MAP2: variants seen among roughly 807,000 people sequenced by gnomAD.
MAP2 encodes the protein microtubule-associated protein 2.
Under a neutral mutation model 137.6 loss-of-function variants are expected in MAP2, and 14 were observed. The ratio of observed to expected loss-of-function variants is 0.10; its 90% CI spans 0.07 to 0.16. MAP2 has a LOEUF of 0.16. Among genes scored for constraint, MAP2 ranks in the 10% least tolerant of loss-of-function variants. MAP2 has a pLI of 1.00. For synonymous variants in MAP2, 786 were observed against 782.3 expected (o/e 1.00, Z -0.08); for missense variants, 2,088 against 2,191.5 (o/e 0.95, Z 0.94).
At chr2:209,434,681 G>T (rs943962066) in intron 1 of MAP2, among the ~76,000 whole-genome samples, 1 of 150,782 alleles carries the variant, frequency 6.6e-6, no homozygotes, top group Admixed American at 6.6e-5. Context: ...AATTAGCCAG[G>T]TGTGATAGTG....
chr2:209,559,518 A>G (rs138499445), intron 2 of MAP2, among the ~76,000 whole-genome samples: 2,687 of 149,074 alleles, frequency 0.018, 87 homozygotes, highest in African/African-American at 0.063. Context: ...GGGTGTGGTG[A>G]AGCATGCCTG....
At chr2:209,600,786 C>T (rs909514147) in intron 3 of MAP2, among the ~76,000 whole-genome samples, 3 of 152,144 alleles carry the variant, frequency 2.0e-5, no homozygotes, top group African/African-American at 7.2e-5. Flanking sequence ...CAGGTGTTAG[C>T]GCTGCTAGGC....
chr2:209,464,204 C>T (rs928257283), intron 1 of MAP2, among the ~76,000 whole-genome samples: 1 of 152,044 alleles, frequency 6.6e-6, no homozygotes, highest in Non-Finnish European at 1.5e-5. Context: ...GATTATATCT[C>T]AGTATAAAGA....
At chr2:209,572,945 A>G (rs1321302161) in intron 2 of MAP2, among the ~76,000 whole-genome samples, 9 of 152,216 alleles carry the variant, frequency 5.9e-5, no homozygotes, top group Non-Finnish European at 8.8e-5. Context: ...ACTAGAGCAC[A>G]TATCTTTCAT....
In MAP2 at chr2:209,623,891, T is replaced by A. The variant is rs1581079214; in HGVS notation, c.-106-1162T>A. On this transcript the variant is annotated intron_variant, in intron 3 of 15. Transcript: ENST00000682079. ...AGACATTTTTAAATGTTTATTTAAA[T>A]GTTAAGACATTCTAACTTTAATATG... Among the ~76,000 whole-genome samples, 5 of 152,342 alleles carry A rather than the reference T, an allele frequency of 3.3e-5. No individual in the cohort carries two copies. In the South Asian group the frequency reaches 8.3e-4, roughly 25 times the overall value.
At chr2:209,589,166 C>CA (rs952169402) in intron 3 of MAP2, among the ~76,000 whole-genome samples, 69 of 149,338 alleles carry the variant, frequency 4.6e-4, no homozygotes, top group African/African-American at 8.6e-4. Context: ...ATTTTAAGGA[C>CA]AAAAAAAAAT....
At chr2:209,677,005 A>G (rs2052101393) in intron 5 of MAP2, among the ~76,000 whole-genome samples, 1 of 151,620 alleles carries the variant, frequency 6.6e-6, no homozygotes, top group African/African-American at 2.4e-5. Flanking sequence ...AATTTTCTGT[A>G]GCCCTTTTTG....
At chr2:209,679,739 CAT>C (rs759886155) in intron 6 of MAP2, among the ~76,000 whole-genome samples, 3 of 151,950 alleles carry the variant, frequency 2.0e-5, no homozygotes, top group Non-Finnish European at 4.4e-5. Flanking sequence ...TCTTAAAACA[CAT>C]AGAGAATTAT....
Position 209,434,086 on chromosome 2 carries a change from A to T in MAP2, c.-222+9810A>T, listed in dbSNP as rs1428538542. On this transcript the variant is annotated intron_variant, in intron 1 of 15. Coordinates refer to ENST00000682079, the MANE Select transcript of MAP2 (RefSeq NM_001375505.1). ...TTGGTAAATGAGCGGATCCAGTTTC[A>T]TGATAATCTTGAATCATGTATGAGA... 4.6e-5 allele frequency among the ~76,000 whole-genome samples: 7 copies of T among 152,060 alleles called. No homozygotes were observed. The South Asian group carries it at 1.2e-3, about 27-fold the overall frequency.
intron 5 of MAP2, among the ~76,000 whole-genome samples, chr2:209,661,212 G>A (rs1484824559): frequency 6.6e-6 from 1 of 151,936 alleles, no homozygotes; most frequent in Non-Finnish European, 1.5e-5. Context: ...CCCTGCCTCC[G>A]TTTCTAGATT....
intron 4 of MAP2, among the ~76,000 whole-genome samples, chr2:209,633,779 G>A (rs570474875): frequency 3.9e-5 from 6 of 152,112 alleles, no homozygotes; most frequent in Non-Finnish European, 5.9e-5. Flanking sequence ...GAAAAGATAC[G>A]TTAAAGAGCA....
chr2:209,721,625 A>G (rs1241255397), intron 13 of MAP2, among the ~76,000 whole-genome samples: 1 of 152,210 alleles, frequency 6.6e-6, no homozygotes, highest in Non-Finnish European at 1.5e-5. Flanking sequence ...AATCATAAAA[A>G]TGATCAAACA....
chr2:209,698,308 A>G (rs937321462), intron 10 of MAP2, among the ~76,000 whole-genome samples: 1 of 152,212 alleles, frequency 6.6e-6, no homozygotes, highest in Non-Finnish European at 1.5e-5. Flanking sequence ...TATTTATTTT[A>G]TATGTTTAAT....
At chr2:209,641,216 C>A (rs990764439) in intron 4 of MAP2, among the ~76,000 whole-genome samples, 11 of 152,098 alleles carry the variant, frequency 7.2e-5, no homozygotes, top group African/African-American at 2.7e-4. Context: ...AGCCAATATT[C>A]TTCAGAGTTG....
chr2:209,565,873 C>A (rs1426466134), intron 2 of MAP2, among the ~76,000 whole-genome samples: 1 of 152,130 alleles, frequency 6.6e-6, no homozygotes, highest in Non-Finnish European at 1.5e-5. Context: ...GTCTCTTAAT[C>A]AAAAATGCTA....
chr2:209,509,791 G>A (rs936543737), intron 2 of MAP2, among the ~76,000 whole-genome samples: 3 of 151,870 alleles, frequency 2.0e-5, no homozygotes, highest in Middle Eastern at 3.4e-3. Flanking sequence ...GAAAGCTACC[G>A]ATAGGGGTAT....
At chr2:209,727,134 A>G (rs2074359833) in intron 14 of MAP2, among the ~76,000 whole-genome samples, 1 of 152,256 alleles carries the variant, frequency 6.6e-6, no homozygotes, top group South Asian at 2.1e-4. Context: ...CAAGTCAAAG[A>G]GTTACAAACT....
chr2:209,589,039 TGTTTGC>T (rs1401296278), intron 3 of MAP2, among the ~76,000 whole-genome samples: 47 of 152,220 alleles, frequency 3.1e-4, no homozygotes, highest in Non-Finnish European at 5.4e-4. Flanking sequence ...AAGCATGCAA[TGTTTGC>T]ATGCTTAATG....
intron 2 of MAP2, among the ~76,000 whole-genome samples, chr2:209,569,852 T>C (rs980951322): frequency 6.6e-6 from 1 of 151,882 alleles, no homozygotes; most frequent in African/African-American, 2.4e-5. Context: ...TATTATCATC[T>C]GTACTTCTAA....
Sources: gnomAD v4.1 joint callset for allele counts (sites outside exome capture counted in the v4.1 genomes callset) on GRCh38, gnomAD v4.1.1 for gene constraint, MANE v1.5 for transcripts, NCBI Gene and HGNC (gene_info 2026-07-23, HGNC 2026-07-21) for gene names.